BCL2: variants seen among roughly 807,000 people sequenced by gnomAD.
BCL2 encodes BCL2 apoptosis regulator, also known as apoptosis regulator Bcl-2.
BCL2 carries 1 observed loss-of-function variant against 14.2 expected under a neutral mutation model. The ratio of observed to expected loss-of-function variants is 0.07; its 90% CI spans 0.02 to 0.33. BCL2 has a LOEUF of 0.33. Ranked by LOEUF, BCL2 falls within the 10% of genes least tolerant of loss-of-function variation. BCL2 has a pLI of 0.99. For missense variants in BCL2, 247 were observed against 305.9 expected, an observed-to-expected ratio of 0.81 and a Z score of 1.44; for synonymous variants, 151 against 137.2, an observed-to-expected ratio of 1.10 and a Z score of -0.70.
chr18:63,274,926 C>T (rs1404014436), intron 2 of BCL2, among the ~76,000 whole-genome samples: 1 of 152,150 alleles, frequency 6.6e-6, no homozygotes, highest in Admixed American at 6.5e-5. Context: ...GCTGCTATTA[C>T]ATTTGGGTCC....
intron 2 of BCL2, among the ~76,000 whole-genome samples, chr18:63,286,917 C>T (rs1259250251): frequency 6.6e-6 from 1 of 152,128 alleles, no homozygotes; most frequent in Non-Finnish European, 1.5e-5. Context: ...CAAAAGACAC[C>T]TCCTACAACA....
intron 2 of BCL2, among the ~76,000 whole-genome samples, chr18:63,194,536 T>C (rs571956726): frequency 1.3e-5 from 2 of 152,104 alleles, no homozygotes; most frequent in Non-Finnish European, 2.9e-5. Flanking sequence ...GATTTCACCA[T>C]GTTGGCCAGG....
intron 2 of BCL2, among the ~76,000 whole-genome samples, chr18:63,131,929 C>A (rs975165682): frequency 1.3e-5 from 2 of 152,234 alleles, no homozygotes; most frequent in African/African-American, 4.8e-5. Context: ...AATATCCCCA[C>A]CTCCTCAGAG....
At chr18:63,194,616 A>T (rs1011608467) in intron 2 of BCL2, among the ~76,000 whole-genome samples, 1 of 152,206 alleles carries the variant, frequency 6.6e-6, no homozygotes, top group Admixed American at 6.5e-5. Flanking sequence ...GGCACATCTC[A>T]CATATGACTA....
intron 2 of BCL2, among the ~76,000 whole-genome samples, chr18:63,181,159 T>C (rs953069222): frequency 1.3e-5 from 2 of 152,214 alleles, no homozygotes; most frequent in Non-Finnish European, 2.9e-5. Context: ...TCTCCTTGTT[T>C]GGCTGCAGGT....
At position 63,184,381 on chromosome 18, in the gene BCL2, A is replaced by G. The variant is rs80082840; in HGVS notation, c.586-55622T>C. On this transcript the variant is annotated intron_variant, in intron 2 of 2. Transcript: ENST00000333681. ...TATTAATCTGAAATATTCTCATTAC[A>G]GATGAATACACTGGCATTCTTGTTT... 5.4e-3 allele frequency among the ~76,000 whole-genome samples: 821 copies of G among 152,350 alleles called. 6 individuals are homozygous for G. Among genetic ancestry groups the G allele is most frequent in the African/African-American group, 0.019 (771 of 41,580 alleles).
At chr18:63,175,757 CAGACAGCAA>C (rs1202539126) in intron 2 of BCL2, among the ~76,000 whole-genome samples, 1 of 152,208 alleles carries the variant, frequency 6.6e-6, no homozygotes, top group Non-Finnish European at 1.5e-5. Context: ...CACGCCACAT[CAGACAGCAA>C]AGCTATTGGG....
At chr18:63,179,544 AG>A (rs58917798) in intron 2 of BCL2, among the ~76,000 whole-genome samples, 7,555 of 152,248 alleles carry the variant, frequency 0.05, 382 homozygotes, top group African/African-American at 0.11. Flanking sequence ...ACGATACCAA[AG>A]GAGTTCTAAT....
chr18:63,319,656 TC>T lies in BCL2; in HGVS notation c.-770del, dbSNP rs1469213672. 1 of 221,142 alleles carries T rather than the reference TC, an allele frequency of 4.5e-6. No homozygotes were observed. Among genetic ancestry groups the T allele is most frequent in the Admixed American group, 5.8e-5 (1 of 17,312 alleles). The allele number at this position is 221,142 out of a possible 1,614,324, so 13.7% of individuals were successfully genotyped here. ...GGCAGGAATCCTCTTCTGATTAAAC[TC>T]CGAACAGCAAATGCATTTTCCGAAA... On this transcript the variant is annotated 5_prime_UTR_variant, in exon 1 of 3. The change abolishes the stop of an existing upstream ORF in the 5' untranslated region. Transcript: ENST00000333681.
intron 2 of BCL2, among the ~76,000 whole-genome samples, chr18:63,284,269 G>A (rs556553184): frequency 5.3e-5 from 8 of 152,196 alleles, no homozygotes; most frequent in Non-Finnish European, 7.3e-5. Context: ...GAAGAAGGTA[G>A]ACAGGACTGA....
At chr18:63,245,954 C>T (rs993657617) in intron 2 of BCL2, among the ~76,000 whole-genome samples, 2 of 152,216 alleles carry the variant, frequency 1.3e-5, no homozygotes, top group Non-Finnish European at 2.9e-5. Context: ...TTTTCCACAA[C>T]TTTCCTCTAA....
chr18:63,211,063 CTTTTTTTT>C (rs59302545), intron 2 of BCL2, among the ~76,000 whole-genome samples: 49 of 59,170 alleles, frequency 8.3e-4, no homozygotes, highest in African/African-American at 1.9e-3. Context: ...CTTTTCATTT[CTTTTTTTT>C]TTTTTTTTTT....
intron 2 of BCL2, among the ~76,000 whole-genome samples, chr18:63,212,447 C>T (rs1910055472): frequency 6.6e-6 from 1 of 151,766 alleles, no homozygotes; most frequent in Non-Finnish European, 1.5e-5. Flanking sequence ...ATGCATTTAA[C>T]AGCCACGTGA....
intron 2 of BCL2, among the ~76,000 whole-genome samples, chr18:63,145,796 A>G (rs547689873): frequency 1.3e-5 from 2 of 152,224 alleles, no homozygotes; most frequent in Non-Finnish European, 2.9e-5. Flanking sequence ...TTAAAGATGA[A>G]CAAACAAAAA....
intron 2 of BCL2, among the ~76,000 whole-genome samples, chr18:63,185,443 G>A (rs978193679): frequency 6.6e-6 from 1 of 152,234 alleles, no homozygotes; most frequent in Admixed American, 6.5e-5. Context: ...ATCCCTGCAA[G>A]GGAAAGGATG....
chr18:63,257,267 TCAAA>T (rs1197299042), intron 2 of BCL2, among the ~76,000 whole-genome samples: 4 of 152,330 alleles, frequency 2.6e-5, no homozygotes, highest in African/African-American at 9.6e-5. Flanking sequence ...TGTCATGTGA[TCAAA>T]CATTTATAAG....
chr18:63,187,995 A>G (rs1915630167), intron 2 of BCL2, among the ~76,000 whole-genome samples: 1 of 152,240 alleles, frequency 6.6e-6, no homozygotes, highest in Admixed American at 6.5e-5. Context: ...CGTTCAGACC[A>G]TGGAAATATC....
intron 2 of BCL2, among the ~76,000 whole-genome samples, chr18:63,129,145 G>A (rs1913994465): frequency 6.6e-6 from 1 of 152,134 alleles, no homozygotes; most frequent in Non-Finnish European, 1.5e-5. Flanking sequence ...AAATATTAGA[G>A]GTTTTGCAAT....
chr18:63,261,370 T>C (rs917896129), intron 2 of BCL2, among the ~76,000 whole-genome samples: 2 of 151,726 alleles, frequency 1.3e-5, no homozygotes, highest in African/African-American at 4.9e-5. Flanking sequence ...ACAAGGCAGA[T>C]GGAAGAAGAC....
Sources: gnomAD v4.1 joint callset for allele counts (sites outside exome capture counted in the v4.1 genomes callset) on GRCh38, gnomAD v4.1.1 for gene constraint, MANE v1.5 for transcripts, NCBI Gene and HGNC (gene_info 2026-07-23, HGNC 2026-07-21) for gene names.